The following LRP1B variants were observed in gnomAD, a reference collection of about 807,000 sequenced individuals.
LRP1B encodes low-density lipoprotein receptor-related protein 1B.
Under a neutral mutation model 556.6 loss-of-function variants are expected in LRP1B, and 217 were observed. The observed-to-expected ratio is 0.39, with a 90% CI of 0.35 to 0.44. The LOEUF (loss-of-function observed/expected upper bound fraction) is 0.44, where lower values mean the gene tolerates loss of function less well. Among genes scored for constraint, LRP1B ranks in the 20% least tolerant of loss-of-function variants. The probability of loss-of-function intolerance (pLI) is 1.00; values close to 1 mark genes in which losing one functional copy is unlikely to be tolerated. For synonymous variants in LRP1B, 2,047 were observed against 1,865.8 expected, an observed-to-expected ratio of 1.10 and a Z score of -2.50; for missense variants, 5,053 against 5,620.8, an observed-to-expected ratio of 0.90 and a Z score of 3.23.
At chr2:140,252,002 C>T (rs1681440176) in intron 86 of LRP1B, among the ~76,000 whole-genome samples, 2 of 128,712 alleles carry the variant, frequency 1.6e-5, no homozygotes, top group East Asian at 2.5e-4. Flanking sequence ...GGTCTACACT[C>T]CATGTATCCC....
At chr2:141,916,258 A>C (rs977323631) in intron 1 of LRP1B, among the ~76,000 whole-genome samples, 5 of 152,198 alleles carry the variant, frequency 3.3e-5, no homozygotes. Context: ...AAATGAAATC[A>C]TGTATTTTGC....
At position 140,719,661 on chromosome 2, in the gene LRP1B, G is replaced by C. The variant is rs372338422; in HGVS notation, c.5759-2845C>G. Reference sequence around the variant, plus strand: ...CTCAATATAGTCACATGTACTATAGGTAGTTTGTAATACTGAAGCTATCTC... The same window carrying C: ...CTCAATATAGTCACATGTACTATAGCTAGTTTGTAATACTGAAGCTATCTC... On this transcript the variant is annotated intron_variant, in intron 35 of 90. Transcript: ENST00000389484. 4.6e-5 allele frequency among the ~76,000 whole-genome samples: 7 copies of C among 152,090 alleles called. 1 individual carries two copies. The highest frequency in any genetic ancestry group is 1.7e-4 in the African/African-American group (7 of 41,544).
At chr2:141,816,654 C>T (rs1240705318) in intron 1 of LRP1B, among the ~76,000 whole-genome samples, 4 of 152,136 alleles carry the variant, frequency 2.6e-5, no homozygotes, top group South Asian at 4.1e-4. Flanking sequence ...ATCAAATCTC[C>T]TAATAAACTC....
chr2:141,785,211 G>A (rs930333661), intron 2 of LRP1B, among the ~76,000 whole-genome samples: 10 of 151,892 alleles, frequency 6.6e-5, no homozygotes, highest in Non-Finnish European at 1.3e-4. Flanking sequence ...GATGACCTTG[G>A]AAACCATATG....
At chr2:141,335,475 T>C (rs978895961) in intron 3 of LRP1B, among the ~76,000 whole-genome samples, 1 of 152,168 alleles carries the variant, frequency 6.6e-6, no homozygotes, top group Non-Finnish European at 1.5e-5. Context: ...GCTAAGGACC[T>C]TGTCTGCCAT....
rs766473394 is a variant in LRP1B at position 140,444,357 on chromosome 2, C to T, written c.10267G>A (p.Gly3423Ser). Residue 3423 changes from glycine (G) to serine (S), a missense_variant, in exon 65 of 91, where the codon GGT (glycine) becomes AGT (serine). Gly to Ser is a moderately conservative substitution (Grantham distance 56). Around this residue, in one of 5 missense-constraint regions of LRP1B, gnomAD observed 262 missense variants for 395.1 expected, o/e 0.66. Transcript: ENST00000389484. ...NLRCNGQDDC[G>S]DEEDERDCPE... ...CAGTCTCTTTCATCTTCCTCATCAC[C>T]ACAGTCATCTTGCCCATTACATCTT... 1 of 1,613,750 alleles carries T rather than the reference C, an allele frequency of 6.2e-7. No individual in the cohort carries two copies. Among genetic ancestry groups the T allele is most frequent in the South Asian group, 1.1e-5 (1 of 91,070 alleles).
chr2:140,652,060 TA>T (rs536139060), intron 41 of LRP1B, among the ~76,000 whole-genome samples: 32 of 151,392 alleles, frequency 2.1e-4, no homozygotes, highest in Non-Finnish European at 3.5e-4. Flanking sequence ...AGAGATTTTA[TA>T]AAAAAAAGTA....
chr2:140,514,517 A>G, intron 51 of LRP1B, 136 bp downstream of exon 51: 1 of 635,594 alleles, frequency 1.6e-6, no homozygotes. Context: ...TGAAAATAAT[A>G]AAAACAGCTA....
At position 140,516,837 on chromosome 2, in the gene LRP1B, CAT is replaced by C. The variant is rs1276223504; in HGVS notation, c.8149+50_8149+51del. The C allele has an allele frequency of 4.5e-6, 7 of 1,552,876 alleles. No homozygotes were observed. The African/African-American group carries it at 8.2e-5, about 18-fold the overall frequency. On this transcript the variant is annotated intron_variant, in intron 50 of 90. Transcript: ENST00000389484. ...AAATCCCTACATAAGAGAATACTAA[CAT>C]ATAAGTAATAGTAAGGTTAACAAAA...
intron 6 of LRP1B, among the ~76,000 whole-genome samples, chr2:141,200,448 G>A (rs879519832): frequency 3.9e-5 from 6 of 152,040 alleles, no homozygotes; most frequent in African/African-American, 9.7e-5. Context: ...TAATACCTAG[G>A]TGATGAAATC....
At chr2:141,515,575 T>A (rs2890582) in intron 2 of LRP1B, among the ~76,000 whole-genome samples, 147,973 of 152,168 alleles carry the variant, frequency 0.97, 72,077 homozygotes, top group East Asian at 1. Flanking sequence ...AATAAGAAAA[T>A]TGACATTTCT....
rs1702231111 is a variant in LRP1B at position 141,987,568 on chromosome 2, C to CT, written c.82+143079dup. On this transcript the variant is annotated intron_variant, in intron 1 of 90. Coordinates refer to ENST00000389484, the MANE Select transcript of LRP1B (RefSeq NM_018557.3). ...TAAGCTGTTTTTTTTTTTTTTCTTT[C>CT]TTTTTTCTTTTTCTCTCTTTGTGTC... 7.2e-3 allele frequency among the ~76,000 whole-genome samples: 762 copies of CT among 105,464 alleles called. 8 individuals carry two copies. Among genetic ancestry groups the CT allele is most frequent in the African/African-American group, 0.025 (742 of 29,844 alleles). 69.2% of individuals were successfully genotyped at this position (105,464 alleles called of 152,430 possible). A position where few individuals can be genotyped will look rare whatever the true frequency, so the allele number is the denominator to read the frequency against.
intron 2 of LRP1B, among the ~76,000 whole-genome samples, chr2:141,726,879 T>A (rs1364516076): frequency 6.6e-6 from 1 of 152,104 alleles, no homozygotes; most frequent in Non-Finnish European, 1.5e-5. Context: ...AGAGTAATAA[T>A]CCTTGAAAGG....
chr2:141,877,623 C>T (rs766831742), intron 1 of LRP1B, among the ~76,000 whole-genome samples: 5 of 151,922 alleles, frequency 3.3e-5, no homozygotes, highest in Non-Finnish European at 7.4e-5. Context: ...ATTTTACTTT[C>T]GCAAATTTAA....
chr2:140,491,691 CTTATG>C (rs1269471923), intron 57 of LRP1B, among the ~76,000 whole-genome samples: 4 of 151,948 alleles, frequency 2.6e-5, no homozygotes, highest in Non-Finnish European at 5.9e-5. Context: ...AAGTATTTCT[CTTATG>C]TTATTTATGT....
intron 2 of LRP1B, among the ~76,000 whole-genome samples, chr2:141,756,011 C>T (rs972045818): frequency 3.3e-5 from 5 of 151,990 alleles, no homozygotes; most frequent in Middle Eastern, 3.4e-3. Flanking sequence ...CAAAAGTAGA[C>T]GTATATGACA....
chr2:141,979,109 A>G (rs1312276233), intron 1 of LRP1B, among the ~76,000 whole-genome samples: 2 of 152,070 alleles, frequency 1.3e-5, no homozygotes, highest in African/African-American at 4.8e-5. Flanking sequence ...CTATTCTTAA[A>G]TCTACTTGCT....
chr2:140,670,277 T>C (rs1482828031), intron 41 of LRP1B, among the ~76,000 whole-genome samples: 1 of 152,188 alleles, frequency 6.6e-6, no homozygotes, highest in Non-Finnish European at 1.5e-5. Flanking sequence ...ATTAAAATAA[T>C]TTTTGTTTAA....
intron 35 of LRP1B, among the ~76,000 whole-genome samples, chr2:140,747,969 G>A: frequency 6.6e-6 from 1 of 150,912 alleles, no homozygotes; most frequent in African/African-American, 2.4e-5. Context: ...ATTGTTCCAT[G>A]CCACTTAGTC....
Sources: gnomAD v4.1 joint callset for allele counts (sites outside exome capture counted in the v4.1 genomes callset) on GRCh38, gnomAD v4.1.1 for gene constraint, gnomAD v4.1.1 regional missense constraint, MANE v1.5 for transcripts, NCBI Gene and HGNC (gene_info 2026-07-23, HGNC 2026-07-21) for gene names.